Variants in LMNTD1 observed in about 807,000 individuals in gnomAD.
The protein encoded by LMNTD1 is lamin tail domain-containing protein 1.
In LMNTD1, 35 loss-of-function variants were observed where a neutral mutation model predicts 50.9. The ratio of observed to expected loss-of-function variants is 0.69; its 90% CI spans 0.53 to 0.91. LMNTD1 has a LOEUF of 0.91. Ranked by LOEUF, LMNTD1 falls within the 40% of genes least tolerant of loss-of-function variation. The probability of loss-of-function intolerance (pLI) is 0.00; values close to 1 mark genes in which losing one functional copy is unlikely to be tolerated. For synonymous variants in LMNTD1, 153 were observed against 161.9 expected, an observed-to-expected ratio of 0.94 and a Z score of 0.42; for missense variants, 470 against 475.5, an observed-to-expected ratio of 0.99 and a Z score of 0.11.
chr12:25,601,757 G>C (rs1204614842), intron 1 of LMNTD1, among the ~76,000 whole-genome samples: 2 of 151,780 alleles, frequency 1.3e-5, no homozygotes, highest in African/African-American at 4.8e-5. Context: ...TGCAAAATAA[G>C]TTAATCCTTT....
chr12:25,574,793 T>C (rs550972150), intron 1 of LMNTD1, among the ~76,000 whole-genome samples: 1 of 152,272 alleles, frequency 6.6e-6, no homozygotes, highest in East Asian at 1.9e-4. Context: ...GTGCACAGAA[T>C]AGACACCTTG....
At position 25,626,702 on chromosome 12, in the gene LMNTD1, G is replaced by A. The variant is rs904447558; in HGVS notation, c.58+21792C>T. Among the ~76,000 whole-genome samples, 6 of 152,230 alleles carry A rather than the reference G, an allele frequency of 3.9e-5. No homozygotes were observed. In the East Asian group the frequency reaches 5.8e-4, roughly 15 times the overall value. ...ACCTTGTTCTATAATTTTTTAGCAC[G>A]TGTTTCACCTACTACTTCTACATAT... On this transcript the variant is annotated intron_variant, in intron 1 of 7. Coordinates refer to the LMNTD1 transcript ENST00000445693.
upstream of LMNTD1, chr12:25,553,339 G>T: frequency 9.6e-7 from 1 of 1,037,206 alleles, no homozygotes; most frequent in Non-Finnish European, 1.3e-6. Context: ...TGTCTCCATA[G>T]TAACCAAGTT....
At chr12:25,605,182 T>C (rs1946069079) in intron 1 of LMNTD1, among the ~76,000 whole-genome samples, 1 of 152,180 alleles carries the variant, frequency 6.6e-6, no homozygotes, top group Non-Finnish European at 1.5e-5. Flanking sequence ...TTCACCCACT[T>C]TTTGATGGGG....
chr12:25,519,453 T>C (rs1941088403), intron 7 of LMNTD1, among the ~76,000 whole-genome samples: 1 of 150,590 alleles, frequency 6.6e-6, no homozygotes, highest in African/African-American at 2.4e-5. Flanking sequence ...CCGGGCGTGG[T>C]GGTGGGCGCC....
At chr12:25,496,618 C>T (rs73074342) in intron 9 of LMNTD1, among the ~76,000 whole-genome samples, 15 of 152,198 alleles carry the variant, frequency 9.9e-5, no homozygotes, top group East Asian at 3.9e-4. Context: ...AGAAAGTATA[C>T]GTAAAGTTGT....
At chr12:25,620,777 A>G (rs1946456663) in intron 1 of LMNTD1, among the ~76,000 whole-genome samples, 1 of 152,130 alleles carries the variant, frequency 6.6e-6, no homozygotes, top group Non-Finnish European at 1.5e-5. Context: ...CGTAGCTACT[A>G]CTGTTTAGCT....
chr12:25,560,441 T>C (rs546787150), intron 1 of LMNTD1, among the ~76,000 whole-genome samples: 1 of 152,340 alleles, frequency 6.6e-6, no homozygotes, highest in Admixed American at 6.5e-5. Flanking sequence ...TTTTGGTTAC[T>C]CTAGCCTTGT....
chr12:25,588,840 G>A (rs1361553583), intron 1 of LMNTD1, among the ~76,000 whole-genome samples: 2 of 151,886 alleles, frequency 1.3e-5, no homozygotes, highest in Non-Finnish European at 2.9e-5. Context: ...AGAAGAAAAT[G>A]GGAAAAAAAT....
intron 4 of LMNTD1, among the ~76,000 whole-genome samples, chr12:25,542,080 TG>T (rs1234458930): frequency 2.0e-5 from 3 of 150,392 alleles, no homozygotes; most frequent in African/African-American, 7.3e-5. Context: ...CAACAGGTGC[TG>T]GAGAGGATAT....
intron 1 of LMNTD1, among the ~76,000 whole-genome samples, chr12:25,617,530 C>T (rs1946374739): frequency 6.6e-6 from 1 of 151,996 alleles, no homozygotes; most frequent in East Asian, 1.9e-4. Flanking sequence ...AGGCAGGTGA[C>T]AGGTATAGGT....
chr12:25,529,495 T>C (rs571193462), intron 4 of LMNTD1, among the ~76,000 whole-genome samples: 6 of 152,328 alleles, frequency 3.9e-5, no homozygotes, highest in Admixed American at 3.9e-4. Flanking sequence ...ATTTACTCTG[T>C]TGGCCAAGCC....
At chr12:25,601,978 T>C (rs1490612168) in intron 1 of LMNTD1, among the ~76,000 whole-genome samples, 1 of 151,528 alleles carries the variant, frequency 6.6e-6, no homozygotes, top group Non-Finnish European at 1.5e-5. Context: ...CAATAAATTA[T>C]TGTTAATTAT....
At chr12:25,578,432 C>T (rs190313737) in intron 1 of LMNTD1, among the ~76,000 whole-genome samples, 5 of 152,146 alleles carry the variant, frequency 3.3e-5, no homozygotes, top group African/African-American at 9.6e-5. Context: ...CCTGGAGATC[C>T]TCATAGGAGC....
chr12:25,584,645 T>C (rs553245470), intron 1 of LMNTD1, among the ~76,000 whole-genome samples: 48 of 152,344 alleles, frequency 3.2e-4, no homozygotes, highest in African/African-American at 1.0e-3. Context: ...CATTTTAACA[T>C]CTGGTTTGAC....
chr12:25,564,049 T>C (rs1383178255), intron 1 of LMNTD1, among the ~76,000 whole-genome samples: 1 of 152,176 alleles, frequency 6.6e-6, no homozygotes, highest in Non-Finnish European at 1.5e-5. Context: ...GTACCACCCA[T>C]CATGGCTTCC....
At chr12:25,522,455 T>C (rs1331160367) in intron 6 of LMNTD1, among the ~76,000 whole-genome samples, 1 of 152,206 alleles carries the variant, frequency 6.6e-6, no homozygotes, top group East Asian at 1.9e-4. Flanking sequence ...ACAAACTATT[T>C]TTAGTGCAAT....
intron 1 of LMNTD1, among the ~76,000 whole-genome samples, chr12:25,632,087 A>G (rs985425867): frequency 8.5e-5 from 13 of 152,208 alleles, no homozygotes; most frequent in Non-Finnish European, 1.5e-4. Flanking sequence ...AATTAACCCA[A>G]TCAAACAAAG....
At chr12:25,631,128 C>T (rs1374707102) in intron 1 of LMNTD1, among the ~76,000 whole-genome samples, 1 of 152,126 alleles carries the variant, frequency 6.6e-6, no homozygotes, top group Non-Finnish European at 1.5e-5. Flanking sequence ...CACCCCCATC[C>T]CCCACAGCAA....
Sources: gnomAD v4.1 joint callset for allele counts (sites outside exome capture counted in the v4.1 genomes callset) on GRCh38, gnomAD v4.1.1 for gene constraint, MANE v1.5 for transcripts, NCBI Gene and HGNC (gene_info 2026-07-23, HGNC 2026-07-21) for gene names.